Variants in IQCM observed in about 807,000 individuals in gnomAD.
IQCM encodes the protein IQ domain-containing protein M.
In IQCM, 45 loss-of-function variants were observed where a neutral mutation model predicts 57.6. That is an observed-to-expected ratio of 0.78 (90% CI 0.62 to 1.00). The LOEUF (loss-of-function observed/expected upper bound fraction) is 1.00. IQCM is among the 50% of genes least tolerant of loss of function. The probability of loss-of-function intolerance (pLI) is 0.00; values close to 1 mark genes in which losing one functional copy is unlikely to be tolerated. For synonymous variants in IQCM, 148 were observed against 158.9 expected (o/e 0.93, Z 0.51); for missense variants, 468 against 511.6 (o/e 0.91, Z 0.82).
chr4:149,791,445 C>A (rs893454749), intron 2 of IQCM, among the ~76,000 whole-genome samples: 3 of 152,078 alleles, frequency 2.0e-5, no homozygotes, highest in Non-Finnish European at 2.9e-5. Flanking sequence ...CAGTTCCACT[C>A]TTTTCATTAT....
At chr4:149,468,867 C>T (rs987916251) in intron 12 of IQCM, among the ~76,000 whole-genome samples, 11 of 152,278 alleles carry the variant, frequency 7.2e-5, no homozygotes, top group African/African-American at 1.9e-4. Context: ...CAAACAGGGT[C>T]GGAGTTCACC....
chr4:149,794,852 T>G (rs532984159), intron 2 of IQCM, among the ~76,000 whole-genome samples: 2 of 152,256 alleles, frequency 1.3e-5, no homozygotes, highest in African/African-American at 4.8e-5. Context: ...GAATATCATT[T>G]TTTAAAACTT....
At chr4:149,692,212 T>C (rs903161795) in intron 5 of IQCM, among the ~76,000 whole-genome samples, 4 of 152,124 alleles carry the variant, frequency 2.6e-5, no homozygotes, top group Non-Finnish European at 4.4e-5. Flanking sequence ...AGCTATAAGG[T>C]AAACTGTCTA....
chr4:149,543,656 G>A (rs994511376), intron 12 of IQCM, among the ~76,000 whole-genome samples: 37 of 151,326 alleles, frequency 2.4e-4, no homozygotes, highest in African/African-American at 3.4e-4. Context: ...TGGGTGCAGC[G>A]CACCAGCATG....
chr4:149,720,933 A>T (rs1199965711), intron 5 of IQCM, among the ~76,000 whole-genome samples: 1 of 152,188 alleles, frequency 6.6e-6, no homozygotes, highest in Non-Finnish European at 1.5e-5. Flanking sequence ...CTCATTGAAA[A>T]CAATCTCTAG....
At chr4:149,522,132 T>G (rs1745712532) in intron 12 of IQCM, among the ~76,000 whole-genome samples, 2 of 152,150 alleles carry the variant, frequency 1.3e-5, no homozygotes, top group South Asian at 2.1e-4. Context: ...TAAGAGAGCC[T>G]CTGCTGTTAA....
chr4:149,721,444 C>A (rs1765442550), intron 5 of IQCM, among the ~76,000 whole-genome samples: 1 of 152,022 alleles, frequency 6.6e-6, no homozygotes, highest in South Asian at 2.1e-4. Flanking sequence ...AGACCTCGCC[C>A]ACCCTCCTCC....
At chr4:149,603,149 A>C (rs1294931023) in intron 8 of IQCM, among the ~76,000 whole-genome samples, 1 of 152,144 alleles carries the variant, frequency 6.6e-6, no homozygotes, top group African/African-American at 2.4e-5. Flanking sequence ...TAGAAAGGTT[A>C]ATTTGAAAAA....
At chr4:149,624,787 C>T (rs1756654286) in intron 7 of IQCM, among the ~76,000 whole-genome samples, 2 of 152,120 alleles carry the variant, frequency 1.3e-5, no homozygotes, top group African/African-American at 4.8e-5. Context: ...ACTTAGAAAC[C>T]AAATGCTCTT....
chr4:149,648,457 G>A (rs1213419644), intron 7 of IQCM, among the ~76,000 whole-genome samples: 2 of 152,160 alleles, frequency 1.3e-5, no homozygotes, highest in African/African-American at 4.8e-5. Context: ...GGACATTTGG[G>A]TTGGTTCCAA....
At chr4:149,423,117 C>G (rs1310277574) in intron 13 of IQCM, among the ~76,000 whole-genome samples, 1 of 152,028 alleles carries the variant, frequency 6.6e-6, no homozygotes, top group Non-Finnish European at 1.5e-5. Flanking sequence ...TCAATTTTTA[C>G]ACTTGTATAA....
intron 12 of IQCM, among the ~76,000 whole-genome samples, chr4:149,478,519 T>C (rs1180827483): frequency 6.6e-6 from 1 of 152,152 alleles, no homozygotes; most frequent in Non-Finnish European, 1.5e-5. Flanking sequence ...GGATATGCTT[T>C]CCATTAAGGT....
intron 2 of IQCM, among the ~76,000 whole-genome samples, chr4:149,793,411 C>G (rs1184940701): frequency 6.6e-6 from 1 of 152,118 alleles, no homozygotes; most frequent in African/African-American, 2.4e-5. Context: ...ACTCCTAGTG[C>G]CTCTCTCTTC....
intron 12 of IQCM, among the ~76,000 whole-genome samples, chr4:149,521,714 A>G (rs1020851110): frequency 6.6e-6 from 1 of 152,240 alleles, no homozygotes; most frequent in African/African-American, 2.4e-5. Context: ...ACAAACATGA[A>G]TTTAATAGTA....
At chr4:149,589,849 C>G (rs1397265297) in intron 8 of IQCM, among the ~76,000 whole-genome samples, 1 of 151,952 alleles carries the variant, frequency 6.6e-6, no homozygotes, top group African/African-American at 2.4e-5. Context: ...AAATGTTACC[C>G]TCAAGATGTT....
At chr4:149,710,555 A>T (rs566332693) in intron 5 of IQCM, among the ~76,000 whole-genome samples, 1 of 152,176 alleles carries the variant, frequency 6.6e-6, no homozygotes, top group East Asian at 1.9e-4. Context: ...CTGTGCTCCC[A>T]TTAATAAATG....
chr4:149,763,187 C>T (rs1769703868), intron 2 of IQCM, among the ~76,000 whole-genome samples: 1 of 151,838 alleles, frequency 6.6e-6, no homozygotes, highest in African/African-American at 2.4e-5. Flanking sequence ...ATAATGTGGA[C>T]AGCATATTAT....
intron 2 of IQCM, among the ~76,000 whole-genome samples, chr4:149,754,305 T>C (rs923649660): frequency 1.3e-5 from 2 of 152,092 alleles, no homozygotes; most frequent in Admixed American, 1.3e-4. Context: ...AACTCAACAT[T>C]AAAGCCCCTC....
intron 2 of IQCM, among the ~76,000 whole-genome samples, chr4:149,800,689 A>G (rs1773525284): frequency 6.6e-6 from 1 of 152,036 alleles, no homozygotes; most frequent in African/African-American, 2.4e-5. Flanking sequence ...TAGCATTTCT[A>G]TATGCCAACA....
Sources: gnomAD v4.1 joint callset for allele counts (sites outside exome capture counted in the v4.1 genomes callset) on GRCh38, gnomAD v4.1.1 for gene constraint, MANE v1.5 for transcripts, NCBI Gene and HGNC (gene_info 2026-07-23, HGNC 2026-07-21) for gene names.